MTUS2: variants seen among roughly 807,000 people sequenced by gnomAD.
The protein encoded by MTUS2 is microtubule associated scaffold protein 2.
In MTUS2, 40 loss-of-function variants were observed where a neutral mutation model predicts 114.1. That is an observed-to-expected ratio of 0.35 (90% CI 0.27 to 0.46). The LOEUF (loss-of-function observed/expected upper bound fraction) is 0.46. MTUS2 is among the 20% of genes least tolerant of loss of function. The pLI, the probability that MTUS2 is intolerant of heterozygous loss-of-function variation, is 1.00. For synonymous variants in MTUS2, 688 were observed against 672.0 expected, an observed-to-expected ratio of 1.02 and a Z score of -0.37; for missense variants, 1,679 against 1,705.4, an observed-to-expected ratio of 0.98 and a Z score of 0.27.
chr13:29,024,633 G>T lies in MTUS2; in HGVS notation c.-66G>T, dbSNP rs35673670. The T allele has an allele frequency of 1.2e-3, 1,840 of 1,559,726 alleles. 1 individual carries two copies. Among genetic ancestry groups the T allele is most frequent in the Non-Finnish European group, 1.5e-3 (1,771 of 1,154,000 alleles). ...AGAATTTCCTCTTAATCTGATTGCA[G>T]CTTGAAGGCAGCCCATTTCCATTAA... is the stretch of plus-strand genomic sequence containing the variant. On this transcript the variant is annotated 5_prime_UTR_variant, in exon 3 of 16. Transcript: ENST00000612955.
intron 7 of MTUS2, among the ~76,000 whole-genome samples, chr13:29,325,490 GGGA>G (rs146701799): frequency 0.6 from 80,063 of 134,538 alleles, 25,735 homozygotes; most frequent in East Asian, 0.77. Flanking sequence ...AAGAGGAAGA[GGGA>G]GGAGGAGGAG....
At position 28,861,036 on chromosome 13, in the gene MTUS2, A is replaced by C. The variant is rs1876946451; in HGVS notation, c.-243+21186A>C. On this transcript the variant is annotated intron_variant, in intron 2 of 15. Coordinates refer to ENST00000612955, the MANE Select transcript of MTUS2 (RefSeq NM_001033602.4). ...GAGAGCCAGCAGGCAGAGATGGTTA[A>C]ACATCTGCAGGGCAGGGACCAGGCT... Among the ~76,000 whole-genome samples the C allele has an allele frequency of 3.9e-5, 6 of 152,186 alleles. No individual in the cohort carries two copies. In the South Asian group the frequency reaches 1.0e-3, roughly 26 times the overall value.
chr13:28,889,486 G>C (rs1249254345), intron 2 of MTUS2, among the ~76,000 whole-genome samples: 3 of 152,140 alleles, frequency 2.0e-5, no homozygotes, highest in Non-Finnish European at 4.4e-5. Context: ...CGTTGGGCTT[G>C]CATCTGAAGT....
chr13:29,362,929 G>A (rs892005615), intron 8 of MTUS2, among the ~76,000 whole-genome samples: 2 of 152,158 alleles, frequency 1.3e-5, no homozygotes, highest in Non-Finnish European at 2.9e-5. Context: ...TCAGCCCAGC[G>A]TCCAGGGATT....
At chr13:29,186,728 C>T (rs987900149) in intron 5 of MTUS2, among the ~76,000 whole-genome samples, 3 of 152,184 alleles carry the variant, frequency 2.0e-5, no homozygotes, top group Non-Finnish European at 4.4e-5. Flanking sequence ...TGAAGGCAAA[C>T]GAGGAGGTGG....
chr13:28,894,353 A>G (rs1879139392), intron 2 of MTUS2, among the ~76,000 whole-genome samples: 2 of 113,636 alleles, frequency 1.8e-5, no homozygotes, highest in Non-Finnish European at 1.7e-5. Flanking sequence ...AGAGAGAGTG[A>G]GAGTGAGAGA....
intron 5 of MTUS2, among the ~76,000 whole-genome samples, chr13:29,133,492 A>G (rs1891851689): frequency 6.6e-6 from 1 of 152,152 alleles, no homozygotes; most frequent in South Asian, 2.1e-4. Flanking sequence ...TAGGTTTTAC[A>G]TTTAGATGTT....
rs1444613581 is a variant in MTUS2 at position 28,874,859 on chromosome 13, A to G, written c.-243+35009A>G. 3.3e-5 allele frequency among the ~76,000 whole-genome samples: 5 copies of G among 152,120 alleles called. No individual in the cohort carries two copies. In the East Asian group the frequency reaches 9.6e-4, roughly 29 times the overall value. On this transcript the variant is annotated intron_variant, in intron 2 of 15. Coordinates refer to ENST00000612955, the MANE Select transcript of MTUS2 (RefSeq NM_001033602.4). ...TTTCTTTTTCATCATTTATTATGAA[A>G]ATTTTGTTTTGTTTGAAGTAGATTC...
At chr13:28,851,822 C>CGT (rs781540177) in intron 2 of MTUS2, among the ~76,000 whole-genome samples, 16 of 151,818 alleles carry the variant, frequency 1.1e-4, no homozygotes, top group South Asian at 4.2e-4. Flanking sequence ...CAGGACTTAG[C>CGT]GCCCAGCTTG....
chr13:29,204,899 G>A (rs971589376), intron 5 of MTUS2, among the ~76,000 whole-genome samples: 2 of 152,188 alleles, frequency 1.3e-5, no homozygotes, highest in South Asian at 2.1e-4. Context: ...TCGCCAAATC[G>A]GGGACATCAT....
In MTUS2 at chr13:29,421,293, G is replaced by A. The variant is rs868289442; in HGVS notation, c.3118-18690G>A. Among the ~76,000 whole-genome samples the A allele has an allele frequency of 4.8e-4, 73 of 152,292 alleles. 1 individual carries two copies. The Middle Eastern group carries it at 0.01, about 21-fold the overall frequency. On this transcript the variant is annotated intron_variant, in intron 8 of 15. Transcript: ENST00000612955. The stretch of plus-strand genomic sequence containing the variant: ...TCCCCTTTGCTAAGATCCAGCCCTA[G>A]AGATCCTGCTCATATTTTAGATGCA...
At chr13:29,471,287 G>A (rs1003208364) in intron 9 of MTUS2, among the ~76,000 whole-genome samples, 1 of 152,044 alleles carries the variant, frequency 6.6e-6, no homozygotes, top group Non-Finnish European at 1.5e-5. Flanking sequence ...AGGATGTTGT[G>A]AGCCAAGATC....
intron 8 of MTUS2, among the ~76,000 whole-genome samples, chr13:29,388,844 A>T (rs1034465941): frequency 2.0e-5 from 3 of 151,966 alleles, no homozygotes; most frequent in Admixed American, 2.0e-4. Flanking sequence ...TTGGTACATG[A>T]TTTTTGATGG....
chr13:29,114,071 T>C, intron 5 of MTUS2, among the ~76,000 whole-genome samples: 1 of 152,096 alleles, frequency 6.6e-6, no homozygotes, highest in African/African-American at 2.4e-5. Context: ...CCTTCTGCCA[T>C]GATTGGAAGC....
chr13:29,263,081 A>G (rs776248035), intron 5 of MTUS2, among the ~76,000 whole-genome samples: 4 of 152,204 alleles, frequency 2.6e-5, no homozygotes, highest in Non-Finnish European at 5.9e-5. Flanking sequence ...TGTTATTAGT[A>G]TGTTTCAAAG....
chr13:29,295,209 GTAA>G (rs1050179651), intron 6 of MTUS2, among the ~76,000 whole-genome samples: 3 of 151,942 alleles, frequency 2.0e-5, no homozygotes, highest in Non-Finnish European at 2.9e-5. Context: ...ATTATACAGT[GTAA>G]TAATCAAATC....
chr13:29,040,928 T>G (rs1457420682), intron 4 of MTUS2, among the ~76,000 whole-genome samples: 2 of 152,242 alleles, frequency 1.3e-5, no homozygotes, highest in African/African-American at 4.8e-5. Flanking sequence ...CTGCTGATTA[T>G]TGCTTTTACT....
intron 8 of MTUS2, among the ~76,000 whole-genome samples, chr13:29,433,756 C>G (rs978602153): frequency 6.6e-6 from 1 of 152,108 alleles, no homozygotes; most frequent in African/African-American, 2.4e-5. Flanking sequence ...GAAGTTCTAC[C>G]ATGTTGATTT....
intron 7 of MTUS2, among the ~76,000 whole-genome samples, chr13:29,349,424 T>C (rs1393854619): frequency 1.3e-5 from 2 of 152,170 alleles, no homozygotes; most frequent in East Asian, 3.8e-4. Flanking sequence ...CAGTTTTCTT[T>C]TAAAGAAATT....
Sources: gnomAD v4.1 joint callset for allele counts (sites outside exome capture counted in the v4.1 genomes callset) on GRCh38, gnomAD v4.1.1 for gene constraint, MANE v1.5 for transcripts, NCBI Gene and HGNC (gene_info 2026-07-23, HGNC 2026-07-21) for gene names.